KALRN: variants seen among roughly 807,000 people sequenced by gnomAD.
The protein encoded by KALRN is kalirin RhoGEF kinase, also known as kalirin.
KALRN carries 70 observed loss-of-function variants against 353.7 expected under a neutral mutation model. The observed-to-expected ratio is 0.20, with a 90% CI of 0.16 to 0.24. The LOEUF is 0.24. Among genes scored for constraint, KALRN ranks in the 10% least tolerant of loss-of-function variants. KALRN has a pLI of 1.00. For missense variants in KALRN, 2,791 were observed against 3,756.7 expected, an observed-to-expected ratio of 0.74 and a Z score of 6.72; for synonymous variants, 1,391 against 1,434.8, an observed-to-expected ratio of 0.97 and a Z score of 0.69.
Position 124,699,940 on chromosome 3 carries a change from G to A in KALRN, c.7903G>A (p.Gly2635Arg), listed in dbSNP as rs751599377. The A allele has an allele frequency of 7.4e-6, 12 of 1,614,120 alleles. No individual in the cohort carries two copies. Among genetic ancestry groups the A allele is most frequent in the Admixed American group, 5.0e-5 (3 of 60,010 alleles). The change falls in exon 56 of 60, where the codon GGG (glycine) becomes AGG (arginine). Residue 2635 changes from glycine to arginine, a missense_variant. By Grantham distance (125) the Gly-to-Arg change is moderately radical (BLOSUM62 -2). Around this residue, in one of 11 missense-constraint regions of KALRN, gnomAD observed 1,065 missense variants for 1,156.4 expected, o/e 0.92. Coordinates refer to ENST00000682506, the MANE Select transcript of KALRN (RefSeq NM_001388419.1). ...TYLVIEDLSPGCPYQFRVSAS... is the reference protein window; with the variant it reads ...TYLVIEDLSPRCPYQFRVSAS... ...CCTCGTCATCGAAGACCTTAGTCCC[G>A]GGTGTCCTTATCAGTTCAGAGTCAG...
intron 32 of KALRN, among the ~76,000 whole-genome samples, chr3:124,493,576 A>C (rs1022169463): frequency 1.3e-5 from 2 of 151,858 alleles, no homozygotes; most frequent in Non-Finnish European, 2.9e-5. Flanking sequence ...TACATTTTGA[A>C]GAAAAAAAAA....
intron 1 of KALRN, among the ~76,000 whole-genome samples, chr3:124,210,436 A>G (rs1178203569): frequency 2.0e-5 from 3 of 152,108 alleles, no homozygotes; most frequent in Admixed American, 2.0e-4. Flanking sequence ...TTTCCCCAGC[A>G]TGGTTCTTAT....
chr3:124,705,131 A>G (rs1019708998), intron 57 of KALRN, among the ~76,000 whole-genome samples: 2 of 152,174 alleles, frequency 1.3e-5, no homozygotes, highest in African/African-American at 4.8e-5. Flanking sequence ...AAGGCAGGGG[A>G]TTGTCACTGG....
chr3:124,378,304 C>A (rs904033440), intron 10 of KALRN, among the ~76,000 whole-genome samples: 1 of 152,024 alleles, frequency 6.6e-6, no homozygotes, highest in Non-Finnish European at 1.5e-5. Context: ...GTATAGGAAC[C>A]TTACAATAGT....
In KALRN at chr3:124,395,286, A is replaced by G; in HGVS notation, c.2114A>G (p.Asp705Gly). ...ATLNVIKEGEDLIQQLRSAPP... is the reference protein window; with the variant it reads ...ATLNVIKEGEGLIQQLRSAPP... ...CTCAATGTCATCAAGGAAGGCGAAG[A>G]CCTTATCCAGCAGCTCAGGTCAGCG... Residue 705 changes from aspartate to glycine, a missense_variant, in exon 12 of 60, where the codon GAC becomes GGC. This residue lies in a region of KALRN where 452 missense variants were observed against 575.8 expected (regional missense o/e 0.78). Transcript: ENST00000682506. 1 of 1,613,492 alleles carries G rather than the reference A, an allele frequency of 6.2e-7. No homozygotes were observed. Among genetic ancestry groups the G allele is most frequent in the Non-Finnish European group, 8.5e-7 (1 of 1,179,910 alleles).
intron 25 of KALRN, among the ~76,000 whole-genome samples, chr3:124,471,987 A>AAG (rs1561053169): frequency 6.9e-6 from 1 of 144,428 alleles, no homozygotes. Context: ...AAAAAAAACA[A>AAG]CCTTCATTTT....
intron 51 of KALRN, among the ~76,000 whole-genome samples, chr3:124,681,629 C>CTTTTTTTT (rs56934346): frequency 1.9e-4 from 20 of 103,702 alleles, no homozygotes; most frequent in Non-Finnish European, 2.4e-4. Context: ...CAGTGATTGT[C>CTTTTTTTT]TTTTTTTTTT....
At chr3:124,142,322 G>C (rs2066731841) in intron 1 of KALRN, among the ~76,000 whole-genome samples, 1 of 152,210 alleles carries the variant, frequency 6.6e-6, no homozygotes. Flanking sequence ...GCAGGTGTCT[G>C]TCTCTGTACC....
At chr3:124,518,486 G>C in intron 33 of KALRN, 1 of 1,613,852 alleles carries the variant, frequency 6.2e-7, no homozygotes, top group South Asian at 1.1e-5. Flanking sequence ...ACTTGTCCCT[G>C]CAGCTCACCG....
intron 11 of KALRN, among the ~76,000 whole-genome samples, chr3:124,391,447 C>T (rs114301908): frequency 0.016 from 2,464 of 152,342 alleles, 61 homozygotes; most frequent in African/African-American, 0.055. Context: ...TTCCAGCAGA[C>T]ATTGGCTTGT....
chr3:124,045,491 A>G (rs1167117260), intron 1 of KALRN, among the ~76,000 whole-genome samples: 6 of 152,242 alleles, frequency 3.9e-5, no homozygotes, highest in Non-Finnish European at 7.3e-5. Context: ...AGATTGTAAC[A>G]GTACAGTTTT....
chr3:124,538,250 G>C (rs2068704570), intron 33 of KALRN, among the ~76,000 whole-genome samples: 1 of 132,522 alleles, frequency 7.5e-6, no homozygotes, highest in Non-Finnish European at 1.6e-5. Context: ...GTGTTTGTGT[G>C]TGTGTGTGTT....
At chr3:124,671,070 T>G (rs2086370683) in intron 47 of KALRN, among the ~76,000 whole-genome samples, 1 of 152,212 alleles carries the variant, frequency 6.6e-6, no homozygotes, top group Non-Finnish European at 1.5e-5. Context: ...CAAGAAGCCT[T>G]CTGTCTCATC....
chr3:124,034,718 C>A (rs1431582581), intron 1 of KALRN, among the ~76,000 whole-genome samples: 1 of 152,106 alleles, frequency 6.6e-6, no homozygotes, highest in Non-Finnish European at 1.5e-5. Flanking sequence ...TTCCCCGTCT[C>A]CCTGTACCTG....
At chr3:124,418,967 G>T (rs1176996433) in intron 14 of KALRN, among the ~76,000 whole-genome samples, 14 of 152,060 alleles carry the variant, frequency 9.2e-5, no homozygotes, top group Admixed American at 9.2e-4. Context: ...TGATACTTGG[G>T]AAGTTGAGGC....
intron 34 of KALRN, among the ~76,000 whole-genome samples, chr3:124,571,120 C>T (rs2073467334): frequency 6.6e-6 from 1 of 152,186 alleles, no homozygotes; most frequent in South Asian, 2.1e-4. Context: ...TTATTATTCT[C>T]CCTCTCCTTC....
At chr3:124,519,666 C>T (rs1032566435) in intron 33 of KALRN, 20 of 985,222 alleles carry the variant, frequency 2.0e-5, no homozygotes, top group African/African-American at 1.7e-5. Context: ...TCGAAGGAAT[C>T]GTGCTCTCAA....
Position 124,456,678 on chromosome 3 carries a change from C to T in KALRN, c.3804C>T (p.Asp1268=), listed in dbSNP as rs770766778. The part of the protein sequence containing the change: ...SLSDREVKLR[D]ANHEVNEEKR... ...CGGATCGGGAGGTCAAGCTGCGGGA[C>T]GCCAACCACGAAGTCAATGAAGAGA... Residue 1268 remains aspartate, a synonymous_variant, in exon 23 of 60, where the codon GAC becomes GAT. Coordinates refer to ENST00000682506, the MANE Select transcript of KALRN (RefSeq NM_001388419.1). The T allele has an allele frequency of 2.4e-5, 39 of 1,613,196 alleles. No homozygotes were observed. The East Asian group carries it at 6.9e-4, about 29-fold the overall frequency.
intron 1 of KALRN, chr3:124,152,226 C>T: frequency 6.3e-7 from 1 of 1,581,356 alleles, no homozygotes; most frequent in East Asian, 2.2e-5. Flanking sequence ...CATAACCACG[C>T]TTGTAGATTA....
Sources: gnomAD v4.1 joint callset for allele counts (sites outside exome capture counted in the v4.1 genomes callset) on GRCh38, gnomAD v4.1.1 for gene constraint, gnomAD v4.1.1 regional missense constraint, MANE v1.5 for transcripts, NCBI Gene and HGNC (gene_info 2026-07-23, HGNC 2026-07-21) for gene names.